CWC22: variants seen among roughly 807,000 people sequenced by gnomAD.
The protein encoded by CWC22 is CWC22 spliceosome associated protein.
Under a neutral mutation model 117.2 loss-of-function variants are expected in CWC22, and 53 were observed. The ratio of observed to expected loss-of-function variants is 0.45; its 90% CI spans 0.36 to 0.57. CWC22 has a LOEUF of 0.57. Among genes scored for constraint, CWC22 ranks in the 20% least tolerant of loss-of-function variants. The pLI is 0.00. For synonymous variants in CWC22, 360 were observed against 355.6 expected, an observed-to-expected ratio of 1.01 and a Z score of -0.14; for missense variants, 980 against 1,068.8, an observed-to-expected ratio of 0.92 and a Z score of 1.16.
chr2:179,946,959 T>A (rs1423663887), intron 19 of CWC22, among the ~76,000 whole-genome samples: 1 of 152,170 alleles, frequency 6.6e-6, no homozygotes, highest in Admixed American at 6.6e-5. Context: ...TCAAACAATT[T>A]GATTTTGCTG....
intron 8 of CWC22, 77 bp downstream of exon 8, chr2:179,973,116 G>C (rs957919436): frequency 1.3e-6 from 1 of 779,152 alleles, no homozygotes; most frequent in Non-Finnish European, 2.1e-6. Context: ...CAAAAATAGA[G>C]AGGTATCAGT....
intron 1 of CWC22, among the ~76,000 whole-genome samples, chr2:180,006,555 T>C (rs952769820): frequency 1.3e-5 from 2 of 152,146 alleles, no homozygotes; most frequent in Non-Finnish European, 2.9e-5. Flanking sequence ...AAGAAGACGC[T>C]AATGAAATTT....
In CWC22 at chr2:179,945,671, C is replaced by A. The variant is rs1686274651; in HGVS notation, c.2185G>T (p.Glu729Ter). The A allele has an allele frequency of 6.2e-7, 1 of 1,608,824 alleles. No homozygotes were observed. Among genetic ancestry groups the A allele is most frequent in the Non-Finnish European group, 8.5e-7 (1 of 1,179,058 alleles). ...KKGHGKTRSK[E>*]VDKLIRNQQT... ...TGGTTTCTGATCAATTTATCTACCTCTTTACTTCTGGTCTTCCCATGTCCC... is the reference window on the plus strand; with the variant it reads ...TGGTTTCTGATCAATTTATCTACCTATTTACTTCTGGTCTTCCCATGTCCC... Residue 729 changes from glutamate (E) to a stop codon, truncating the protein, a stop_gained, in exon 20 of 20, where the codon GAG becomes TAG. Transcript: ENST00000410053. LOFTEE classifies it high-confidence loss of function.
intron 1 of CWC22, among the ~76,000 whole-genome samples, chr2:180,002,357 A>C (rs558984155): frequency 6.6e-6 from 1 of 152,328 alleles, no homozygotes; most frequent in South Asian, 2.1e-4. Flanking sequence ...GGTTCCATTT[A>C]GGCTAGGGCC....
At chr2:179,989,675 T>A (rs1687511034) in intron 2 of CWC22, among the ~76,000 whole-genome samples, 2 of 152,146 alleles carry the variant, frequency 1.3e-5, no homozygotes, top group Non-Finnish European at 2.9e-5. Flanking sequence ...ACCATCCAGT[T>A]TGAGACTACA....
At chr2:179,970,285 G>A (rs1000159399) in intron 11 of CWC22, among the ~76,000 whole-genome samples, 2 of 152,064 alleles carry the variant, frequency 1.3e-5, no homozygotes, top group African/African-American at 2.4e-5. Flanking sequence ...GAGGGAAAGA[G>A]GAAAGAACAA....
At chr2:180,004,095 G>T (rs1057259865) in intron 1 of CWC22, among the ~76,000 whole-genome samples, 2 of 152,134 alleles carry the variant, frequency 1.3e-5, no homozygotes, top group African/African-American at 4.8e-5. Context: ...GACAAGGGAG[G>T]CTTCAAAGTT....
In CWC22 at chr2:179,945,719, C is replaced by T. The variant is rs755926857; in HGVS notation, c.2141-4G>A. ...CCCTTCTTTCTTACATCATTAGCTG[C>T]GTGTGTAAAATAAAAGACAGTTAGC... On this transcript the variant is annotated splice_region_variant and splice_polypyrimidine_tract_variant and intron_variant, in intron 19 of 19. Coordinates refer to ENST00000410053, the MANE Select transcript of CWC22 (RefSeq NM_020943.3). 39 of 1,508,648 alleles carry T rather than the reference C, an allele frequency of 2.6e-5. 1 individual carries two copies. The Middle Eastern group carries it at 1.4e-3, about 54-fold the overall frequency. 93.5% of individuals were successfully genotyped at this position (1,508,648 alleles called of 1,614,324 possible).
At position 179,945,269 on chromosome 2, in the gene CWC22, C is replaced by G. The variant is rs1575634307; in HGVS notation, c.2587G>C (p.Gly863Arg). The G allele has an allele frequency of 6.2e-6, 10 of 1,613,764 alleles. No individual in the cohort carries two copies. The highest frequency in any genetic ancestry group is 5.9e-6 in the Non-Finnish European group (7 of 1,179,806). The change falls in exon 20 of 20, where the codon GGC becomes CGC. Residue 863 changes from glycine (G) to arginine (R), a missense_variant. Coordinates refer to ENST00000410053, the MANE Select transcript of CWC22 (RefSeq NM_020943.3). ...KSKEMNRKHSGSRSDEDRYQN... is the reference protein window; with the variant it reads ...KSKEMNRKHSRSRSDEDRYQN... Reference sequence around the variant, plus strand: ...TATCTATCTTCATCACTTCTTGAGCCTGAGTGCTTTCTATTCATTTCCTTT... The same window carrying G: ...TATCTATCTTCATCACTTCTTGAGCGTGAGTGCTTTCTATTCATTTCCTTT...
At chr2:179,978,738 C>T (rs971812043) in intron 5 of CWC22, among the ~76,000 whole-genome samples, 1 of 151,452 alleles carries the variant, frequency 6.6e-6, no homozygotes, top group Non-Finnish European at 1.5e-5. Flanking sequence ...AAATATAAGC[C>T]ACAAAAAAAA....
chr2:180,005,126 T>G (rs1687939927), intron 1 of CWC22, among the ~76,000 whole-genome samples: 1 of 152,072 alleles, frequency 6.6e-6, no homozygotes, highest in Non-Finnish European at 1.5e-5. Context: ...CTAACAAGCT[T>G]CAAGGAGATG....
intron 11 of CWC22, 147 bp from the exon 12 acceptor site, chr2:179,966,129 A>G: frequency 1.7e-6 from 1 of 577,396 alleles, no homozygotes; most frequent in African/African-American, 1.9e-5. Flanking sequence ...GCCTCGTGTT[A>G]TTGCCTAGGT....
intron 16 of CWC22, among the ~76,000 whole-genome samples, chr2:179,952,873 A>T (rs1046437998): frequency 3.3e-5 from 5 of 152,132 alleles, no homozygotes; most frequent in African/African-American, 1.2e-4. Context: ...TCTCTTGAGC[A>T]TATAATGGTA....
At chr2:179,979,609 TTTAG>T (rs1687237530) in intron 5 of CWC22, among the ~76,000 whole-genome samples, 1 of 152,134 alleles carries the variant, frequency 6.6e-6, no homozygotes, top group South Asian at 2.1e-4. Context: ...ACTGATATTG[TTTAG>T]TATTGCTAGC....
rs1013773142 is a variant in CWC22, at chr2:179,968,785, C to G, written c.1210+1716G>C. Among the ~76,000 whole-genome samples the G allele has an allele frequency of 2.6e-5, 4 of 152,008 alleles. 1 individual carries two copies. Among genetic ancestry groups the G allele is most frequent in the Non-Finnish European group, 5.9e-5 (4 of 67,986 alleles). ...ATTTCACCATGTTGGTCAGACTAGT[C>G]TCGAACTCCTGACCTCGTGATCCGC... On this transcript the variant is annotated intron_variant, in intron 11 of 19. Transcript: ENST00000410053.
chr2:179,984,581 A>G (rs2105544625), intron 4 of CWC22, among the ~76,000 whole-genome samples: 1 of 152,146 alleles, frequency 6.6e-6, no homozygotes, highest in East Asian at 1.9e-4. Flanking sequence ...AGGGGTGGAT[A>G]ATATCTGAGA....
chr2:179,947,242 G>C (rs1686334086), intron 19 of CWC22, among the ~76,000 whole-genome samples: 1 of 152,042 alleles, frequency 6.6e-6, no homozygotes, highest in Non-Finnish European at 1.5e-5. Context: ...ACAGTCAGTT[G>C]GTTTGCCACT....
intron 2 of CWC22, among the ~76,000 whole-genome samples, chr2:179,992,622 T>G (rs1687595670): frequency 6.6e-6 from 1 of 152,216 alleles, no homozygotes; most frequent in Non-Finnish European, 1.5e-5. Flanking sequence ...AGTTTATAAT[T>G]TATTTTATCT....
At chr2:179,984,256 T>C (rs1687358443) in intron 4 of CWC22, among the ~76,000 whole-genome samples, 1 of 152,038 alleles carries the variant, frequency 6.6e-6, no homozygotes, top group African/African-American at 2.4e-5. Flanking sequence ...CTTAATAAAC[T>C]CAAAGCCATT....
Sources: gnomAD v4.1 joint callset for allele counts (sites outside exome capture counted in the v4.1 genomes callset) on GRCh38, gnomAD v4.1.1 for gene constraint, MANE v1.5 for transcripts, NCBI Gene and HGNC (gene_info 2026-07-23, HGNC 2026-07-21) for gene names.